EXOC4: variants seen among roughly 807,000 people sequenced by gnomAD.
EXOC4 encodes the protein exocyst complex component 4.
In EXOC4, 71 loss-of-function variants were observed where a neutral mutation model predicts 107.2. That is an observed-to-expected ratio of 0.66 (90% CI 0.55 to 0.81). The LOEUF (loss-of-function observed/expected upper bound fraction) is 0.81, where lower values mean the gene tolerates loss of function less well. Ranked by LOEUF, EXOC4 falls within the 30% of genes least tolerant of loss-of-function variation. The pLI is 0.00. For missense variants in EXOC4, 1,108 were observed against 1,189.6 expected, an observed-to-expected ratio of 0.93 and a Z score of 1.01; for synonymous variants, 456 against 441.2, an observed-to-expected ratio of 1.03 and a Z score of -0.42.
At chr7:133,468,813 AT>A (rs764055947) in intron 7 of EXOC4, among the ~76,000 whole-genome samples, 7 of 151,590 alleles carry the variant, frequency 4.6e-5, no homozygotes, top group Admixed American at 3.3e-4. Flanking sequence ...ATTTTTTAGT[AT>A]TTTTTTTGGC....
At chr7:134,095,963 G>A in the EXOC4 span, among the ~76,000 whole-genome samples, 1 of 152,094 alleles carries the variant, frequency 6.6e-6, no homozygotes, top group East Asian at 1.9e-4. Context: ...AGTGACAAGT[G>A]TGACCTAATT....
chr7:134,075,851 C>G, the EXOC4 span, among the ~76,000 whole-genome samples: 5 of 152,190 alleles, frequency 3.3e-5, no homozygotes, highest in Admixed American at 3.3e-4. Flanking sequence ...CAGCAATGTT[C>G]CAGATAGTGA....
intron 10 of EXOC4, among the ~76,000 whole-genome samples, chr7:133,794,311 A>T (rs888311): frequency 3.9e-5 from 6 of 152,262 alleles, no homozygotes; most frequent in Admixed American, 6.5e-5. Context: ...TTTACGGTCT[A>T]GATGAGTCAT....
At chr7:133,347,553 C>T (rs1177431367) in intron 5 of EXOC4, among the ~76,000 whole-genome samples, 1 of 152,124 alleles carries the variant, frequency 6.6e-6, no homozygotes, top group African/African-American at 2.4e-5. Flanking sequence ...GTAAACTATA[C>T]TTAGTGGAAT....
At chr7:133,828,917 A>C (rs1293508233) in intron 11 of EXOC4, among the ~76,000 whole-genome samples, 1 of 152,190 alleles carries the variant, frequency 6.6e-6, no homozygotes, top group African/African-American at 2.4e-5. Flanking sequence ...CACACCTACA[A>C]ATCCAAGAAC....
At chr7:133,573,372 A>T (rs1216426190) in intron 9 of EXOC4, among the ~76,000 whole-genome samples, 1 of 152,154 alleles carries the variant, frequency 6.6e-6, no homozygotes, top group Non-Finnish European at 1.5e-5. Context: ...GCTACTTAGA[A>T]GAATAGAGGA....
intron 17 of EXOC4, among the ~76,000 whole-genome samples, chr7:134,010,607 A>C (rs73442636): frequency 0.028 from 4,285 of 152,306 alleles, 227 homozygotes; most frequent in African/African-American, 0.098. Flanking sequence ...GCCAGAAATA[A>C]TAGACTGCAG....
intron 10 of EXOC4, among the ~76,000 whole-genome samples, chr7:133,750,262 A>G (rs962580468): frequency 1.3e-5 from 2 of 151,990 alleles, no homozygotes; most frequent in Non-Finnish European, 2.9e-5. Context: ...ATGATCATGG[A>G]TGGAAATGTG....
intron 5 of EXOC4, 137 bp from the exon 6 acceptor site, chr7:133,356,192 CA>C (rs1415801983): frequency 8.2e-6 from 7 of 852,472 alleles, no homozygotes; most frequent in Non-Finnish European, 1.2e-5. Flanking sequence ...GGTTACTGTG[CA>C]AATATAATTT....
chr7:133,713,089 A>G (rs1585096803), intron 10 of EXOC4, among the ~76,000 whole-genome samples: 4 of 152,326 alleles, frequency 2.6e-5, no homozygotes, highest in South Asian at 4.1e-4. Flanking sequence ...TCATTTTAAT[A>G]TGGCTAATTT....
chr7:133,621,912 C>A (rs1277349801), intron 9 of EXOC4, among the ~76,000 whole-genome samples: 1 of 152,062 alleles, frequency 6.6e-6, no homozygotes, highest in Non-Finnish European at 1.5e-5. Context: ...TCTGTGGTAA[C>A]AGTAACAGAA....
At chr7:133,651,900 G>GTGA (rs1803164385) in intron 10 of EXOC4, among the ~76,000 whole-genome samples, 1 of 152,134 alleles carries the variant, frequency 6.6e-6, no homozygotes, top group Non-Finnish European at 1.5e-5. Flanking sequence ...GGCCAGGCTG[G>GTGA]TCTTGCTGAC....
At chr7:133,936,987 C>T (rs913102127) in intron 13 of EXOC4, among the ~76,000 whole-genome samples, 4 of 152,154 alleles carry the variant, frequency 2.6e-5, no homozygotes, top group Admixed American at 6.5e-5. Flanking sequence ...AATTTTAGCC[C>T]TCTTCCTTTT....
chr7:133,322,772 T>A (rs983399609), intron 5 of EXOC4, among the ~76,000 whole-genome samples: 1 of 152,212 alleles, frequency 6.6e-6, no homozygotes, highest in African/African-American at 2.4e-5. Flanking sequence ...AATGGTAGCT[T>A]GATGGGGATA....
chr7:133,743,501 G>A (rs748549314), intron 10 of EXOC4, among the ~76,000 whole-genome samples: 2 of 152,164 alleles, frequency 1.3e-5, no homozygotes, highest in African/African-American at 2.4e-5. Context: ...ATCAGTTTCT[G>A]TACTACTGGC....
At chr7:133,818,283 T>A (rs1377926488) in intron 11 of EXOC4, among the ~76,000 whole-genome samples, 2 of 152,184 alleles carry the variant, frequency 1.3e-5, no homozygotes, top group Admixed American at 1.3e-4. Context: ...GTTTCTTCAT[T>A]TAAGAGTAGG....
At chr7:133,926,028 G>A (rs998115402) in intron 13 of EXOC4, among the ~76,000 whole-genome samples, 3 of 125,876 alleles carry the variant, frequency 2.4e-5, no homozygotes, top group Non-Finnish European at 4.7e-5. Flanking sequence ...AGGCAACAGA[G>A]CAAGACTCCG....
At chr7:133,990,268 T>TCCCC (rs60183854) in intron 14 of EXOC4, among the ~76,000 whole-genome samples, 80 of 110,166 alleles carry the variant, frequency 7.3e-4, no homozygotes, top group East Asian at 1.8e-3. Context: ...AACTTTCCCC[T>TCCCC]CCCCCCCCCA....
chr7:133,300,309 C>T (rs1158492260), intron 3 of EXOC4, among the ~76,000 whole-genome samples: 3 of 152,128 alleles, frequency 2.0e-5, no homozygotes, highest in Non-Finnish European at 2.9e-5. Flanking sequence ...TGTCAATAAC[C>T]CTGCAGCTTT....
Sources: allele counts gnomAD v4.1 joint callset (sites outside exome capture counted in the v4.1 genomes callset), GRCh38; gene constraint gnomAD v4.1.1; transcripts MANE v1.5; gene names NCBI Gene and HGNC (gene_info 2026-07-23, HGNC 2026-07-21).